Variants in DERL1 observed in about 807,000 individuals in gnomAD.
The protein encoded by DERL1 is derlin-1.
In DERL1, 24 loss-of-function variants were observed where a neutral mutation model predicts 41.6. That is an observed-to-expected ratio of 0.58 (90% CI 0.42 to 0.81). The LOEUF (loss-of-function observed/expected upper bound fraction) is 0.81. DERL1 is among the 30% of genes least tolerant of loss of function. The pLI, the probability that DERL1 is intolerant of heterozygous loss-of-function variation, is 0.00. For missense variants in DERL1, 260 were observed against 314.3 expected (o/e 0.83, Z 1.31); for synonymous variants, 124 against 112.5 (o/e 1.10, Z -0.65).
chr8:123,034,747 G>A (rs1812889278), intron 1 of DERL1, among the ~76,000 whole-genome samples: 1 of 152,174 alleles, frequency 6.6e-6, no homozygotes, highest in Admixed American at 6.5e-5. Context: ...TAGACTCAGA[G>A]TAAACCTACT....
chr8:123,025,498 T>C (rs1001291086), intron 2 of DERL1: 1 of 150,708 alleles, frequency 6.6e-6, no homozygotes, highest in Non-Finnish European at 1.4e-5. Flanking sequence ...CGTTAAGTTC[T>C]GTCAGAGGAG....
rs1814489625 is a variant in DERL1, at chr8:123,014,118, CATAAA to C, written c.*1324_*1328del. ...CTAACAGTCTGCTTTCAGATAACGTCATAAAATAAAATAACTGTGTGAAAAGCCAT... is the reference window on the plus strand; with the variant it reads ...CTAACAGTCTGCTTTCAGATAACGTCATAAAATAACTGTGTGAAAAGCCAT... On this transcript the variant is annotated 3_prime_UTR_variant, in exon 8 of 8. Coordinates refer to ENST00000259512, the MANE Select transcript of DERL1 (RefSeq NM_024295.6). 6.6e-6 allele frequency: 1 copy of C among 152,264 alleles called. No homozygotes were observed. The highest frequency in any genetic ancestry group is 2.4e-5 in the African/African-American group (1 of 41,418). The allele number at this position is 152,264 out of a possible 1,614,324, so 9.4% of individuals were successfully genotyped here.
At chr8:123,028,394 T>C (rs899351828) in intron 2 of DERL1, among the ~76,000 whole-genome samples, 2 of 152,188 alleles carry the variant, frequency 1.3e-5, no homozygotes, top group East Asian at 1.9e-4. Context: ...TGAAATGTCC[T>C]GAATAGGTAA....
chr8:123,030,900 C>A lies in DERL1; in HGVS notation c.154-184G>T, dbSNP rs574795429. Reference sequence around the variant, plus strand: ...CACCAAATACAATCACATCACTTTGCAAATCAATGGAATAAAACGACATCA... The same window carrying A: ...CACCAAATACAATCACATCACTTTGAAAATCAATGGAATAAAACGACATCA... On this transcript the variant is annotated intron_variant, in intron 1 of 7. Transcript: ENST00000259512. 12 of 577,446 alleles carry A rather than the reference C, an allele frequency of 2.1e-5. No homozygotes were observed. In the South Asian group the frequency reaches 2.3e-4, roughly 11 times the overall value. 35.8% of individuals were successfully genotyped at this position (577,446 alleles called of 1,614,324 possible).
chr8:123,041,507 C>T (rs1257445623), intron 1 of DERL1, among the ~76,000 whole-genome samples: 2 of 152,192 alleles, frequency 1.3e-5, no homozygotes, highest in African/African-American at 2.4e-5. Context: ...CTTTAAATCA[C>T]TCCTATAGGA....
intron 2 of DERL1, among the ~76,000 whole-genome samples, chr8:123,026,055 C>T (rs1812681482): frequency 6.6e-6 from 1 of 151,834 alleles, no homozygotes; most frequent in South Asian, 2.1e-4. Context: ...CGTTCCACAC[C>T]CCCTCACAGT....
chr8:123,020,494 GTAAA>G (rs1814732988), intron 6 of DERL1, among the ~76,000 whole-genome samples: 1 of 151,766 alleles, frequency 6.6e-6, no homozygotes, highest in African/African-American at 2.4e-5. Context: ...AAATAAATAA[GTAAA>G]TAAATAAACA....
At chr8:123,038,942 C>T (rs1812988701) in intron 1 of DERL1, among the ~76,000 whole-genome samples, 1 of 152,192 alleles carries the variant, frequency 6.6e-6, no homozygotes, top group Non-Finnish European at 1.5e-5. Flanking sequence ...CAGCCAAAAC[C>T]TAACTCTTCA....
At chr8:123,017,719 G>A (rs185957151) in intron 7 of DERL1, 1 of 152,250 alleles carries the variant, frequency 6.6e-6, no homozygotes, top group African/African-American at 2.4e-5. Flanking sequence ...CAACTGAGAA[G>A]TAGCTACAAG....
At position 123,018,794 on chromosome 8, in the gene DERL1, C is replaced by T. The variant is rs140541358; in HGVS notation, c.617+401G>A. ...AAATGTTTAAAATTGCTGACCAACA[C>T]GCTAACTTACCCTTCCTTGGGCAAA... On this transcript the variant is annotated intron_variant, in intron 7 of 7. Coordinates refer to ENST00000259512, the MANE Select transcript of DERL1 (RefSeq NM_024295.6). 1.3e-3 allele frequency: 309 copies of T among 236,916 alleles called. 3 individuals carry two copies. The East Asian group carries it at 0.023, about 18-fold the overall frequency. The allele number at this position is 236,916 out of a possible 1,614,324, so 14.7% of individuals were successfully genotyped here.
At chr8:123,038,065 T>G (rs1812965961) in intron 1 of DERL1, among the ~76,000 whole-genome samples, 1 of 152,196 alleles carries the variant, frequency 6.6e-6, no homozygotes, top group African/African-American at 2.4e-5. Flanking sequence ...CACACCTGTT[T>G]CAACCTATCC....
At chr8:123,031,461 C>T (rs1200886665) in intron 1 of DERL1, among the ~76,000 whole-genome samples, 1 of 152,158 alleles carries the variant, frequency 6.6e-6, no homozygotes. Context: ...AGGAGAATCG[C>T]TTGAACCCAG....
chr8:123,016,787 T>A (rs988093155), intron 7 of DERL1: 6 of 152,196 alleles, frequency 3.9e-5, no homozygotes, highest in Admixed American at 3.3e-4. Context: ...TCTGTTTACA[T>A]CATACTCGAT....
At chr8:123,034,062 T>G (rs183672517) in intron 1 of DERL1, among the ~76,000 whole-genome samples, 3 of 152,178 alleles carry the variant, frequency 2.0e-5, no homozygotes, top group Admixed American at 6.5e-5. Context: ...GGAGGGGACA[T>G]GTGGACTTGT....
Position 123,030,646 on chromosome 8 carries a change from T to C in DERL1, c.224A>G (p.Asn75Ser). Residue 75 changes from asparagine (N) to serine (S), a missense_variant, in exon 2 of 8, where the codon AAT becomes AGT. Asn to Ser is a conservative substitution (Grantham distance 46). Transcript: ENST00000259512. Reference protein sequence around the residue: ...GPGTGFLYLVNLYFLYQYSTR... With the variant: ...GPGTGFLYLVSLYFLYQYSTR... Reference sequence around the variant, plus strand: ...AGAATACTGATATAAGAAATATAAATTGACCAAATAAAGAAATCCAGTTCC... The same window carrying C: ...AGAATACTGATATAAGAAATATAAACTGACCAAATAAAGAAATCCAGTTCC... The C allele has an allele frequency of 1.9e-6, 3 of 1,611,862 alleles. No individual in the cohort carries two copies. Among genetic ancestry groups the C allele is most frequent in the Non-Finnish European group, 2.5e-6 (3 of 1,179,326 alleles).
intron 6 of DERL1, 152 bp from the exon 7 acceptor site, chr8:123,019,457 T>C (rs1442633332): frequency 4.8e-6 from 3 of 620,194 alleles, no homozygotes; most frequent in East Asian, 2.8e-5. Context: ...GTAGTCTGAG[T>C]GGCAAATGCA....
intron 3 of DERL1, among the ~76,000 whole-genome samples, chr8:123,024,218 G>A (rs1812630940): frequency 1.3e-5 from 2 of 152,156 alleles, no homozygotes; most frequent in Admixed American, 1.3e-4. Context: ...AAAGGATGAA[G>A]ATGCCTGTAG....
Position 123,030,621 on chromosome 8 carries a change from A to C in DERL1, c.249T>G (p.Ser83=). The change falls in exon 2 of 8, where the codon TCT becomes TCG. Residue 83 remains serine, a synonymous_variant. Transcript: ENST00000259512. ...LVNLYFLYQY[S]TRLETGAFDG... ...GTAACATACCTGTTTCAAGTCGCGT[A>C]GAATACTGATATAAGAAATATAAAT... 1 of 1,602,998 alleles carries C rather than the reference A, an allele frequency of 6.2e-7. No homozygotes were observed. Among genetic ancestry groups the C allele is most frequent in the Non-Finnish European group, 8.5e-7 (1 of 1,173,842 alleles).
intron 1 of DERL1, among the ~76,000 whole-genome samples, chr8:123,034,777 A>C (rs1812889712): frequency 6.6e-6 from 1 of 152,226 alleles, no homozygotes; most frequent in Non-Finnish European, 1.5e-5. Flanking sequence ...TCTGTGCTTA[A>C]GAAAAGGACT....
Sources: allele counts gnomAD v4.1 joint callset (sites outside exome capture counted in the v4.1 genomes callset), GRCh38; gene constraint gnomAD v4.1.1; transcripts MANE v1.5; gene names NCBI Gene and HGNC (gene_info 2026-07-23, HGNC 2026-07-21).